The following PVT1 variants were observed in gnomAD, a reference collection of about 807,000 sequenced individuals.
The protein encoded by PVT1 is CXCR4/PVT1 fusion.
chr8:128,017,096 C>A (rs1213760146), intron 4 of PVT1, among the ~76,000 whole-genome samples: 1 of 152,134 alleles, frequency 6.6e-6, no homozygotes, highest in African/African-American at 2.4e-5. Flanking sequence ...CCATCGTCAC[C>A]CCACCTGCTT....
chr8:127,990,371 G>C (rs150209054), intron 4 of PVT1, among the ~76,000 whole-genome samples: 2 of 152,332 alleles, frequency 1.3e-5, no homozygotes, highest in African/African-American at 4.8e-5. Context: ...CATAGTGCCT[G>C]ACCGAGGGTG....
At chr8:127,886,894 C>T (rs1815529398) in intron 2 of PVT1, among the ~76,000 whole-genome samples, 1 of 152,140 alleles carries the variant, frequency 6.6e-6, no homozygotes, top group African/African-American at 2.4e-5. Context: ...AATTATATCA[C>T]AGACATTGTG....
intron 3 of PVT1, among the ~76,000 whole-genome samples, chr8:127,906,577 A>G (rs1815823879): frequency 6.6e-6 from 1 of 152,064 alleles, no homozygotes; most frequent in Non-Finnish European, 1.5e-5. Flanking sequence ...GACACATCTG[A>G]TGTCCCCTGC....
intron 2 of PVT1, among the ~76,000 whole-genome samples, chr8:127,834,492 T>A (rs1278751708): frequency 2.0e-5 from 3 of 152,070 alleles, no homozygotes; most frequent in Admixed American, 2.0e-4. Context: ...GGCAACACCA[T>A]TCAGGACATA....
chr8:127,958,870 C>T (rs191718893), intron 3 of PVT1, among the ~76,000 whole-genome samples: 18 of 152,280 alleles, frequency 1.2e-4, no homozygotes, highest in African/African-American at 3.6e-4. Context: ...GTTCTAAGCA[C>T]ATGTCATATT....
intron 3 of PVT1, among the ~76,000 whole-genome samples, chr8:127,982,874 A>G (rs998243818): frequency 2.6e-5 from 4 of 152,140 alleles, no homozygotes; most frequent in Non-Finnish European, 5.9e-5. Context: ...TTCTTCCTGA[A>G]AGAGTCTGTG....
chr8:127,989,844 G>T lies in PVT1; in HGVS notation n.912+553G>T, dbSNP rs74655965. Among the ~76,000 whole-genome samples the T allele has an allele frequency of 8.5e-3, 1,298 of 152,218 alleles. 9 individuals carry two copies. Among genetic ancestry groups the T allele is most frequent in the South Asian group, 0.017 (82 of 4,820 alleles). ...TTGGGTTTTCTTGGTTTTGCTACTT[G>T]CCTCATTTTGGACAAGTCACTCAGC... On this transcript the variant is annotated intron_variant and non_coding_transcript_variant, in intron 4 of 10. Coordinates refer to ENST00000651587, the Ensembl canonical transcript of PVT1.
chr8:127,934,867 T>A (rs905226367), intron 3 of PVT1, among the ~76,000 whole-genome samples: 2 of 152,142 alleles, frequency 1.3e-5, no homozygotes, highest in African/African-American at 2.4e-5. Context: ...CTTTTGTTGC[T>A]CCTGGGGCCA....
intron 3 of PVT1, among the ~76,000 whole-genome samples, chr8:127,963,474 GA>G (rs1816669585): frequency 6.6e-6 from 1 of 152,192 alleles, no homozygotes; most frequent in Non-Finnish European, 1.5e-5. Flanking sequence ...CCTCCTCTGA[GA>G]AAAAGTGTGG....
At chr8:127,850,995 A>G (rs535471117) in intron 2 of PVT1, among the ~76,000 whole-genome samples, 9 of 149,026 alleles carry the variant, frequency 6.0e-5, no homozygotes, top group Admixed American at 2.0e-4. Flanking sequence ...TGATAGAGGG[A>G]GACTCTGTCT....
At chr8:127,984,886 TTTCTTTCTTTC>T in intron 3 of PVT1, among the ~76,000 whole-genome samples, 1 of 102,234 alleles carries the variant, frequency 9.8e-6, no homozygotes, top group African/African-American at 3.4e-5. Flanking sequence ...TCTTTCTTTC[TTTCTTTCTTTC>T]TTTCTTTCTT....
intron 3 of PVT1, among the ~76,000 whole-genome samples, chr8:127,895,433 T>C (rs2129812755): frequency 6.6e-6 from 1 of 152,216 alleles, no homozygotes; most frequent in South Asian, 2.1e-4. Context: ...ATTGCACCAC[T>C]GCACTCCAGC....
intron 2 of PVT1, among the ~76,000 whole-genome samples, chr8:127,883,728 G>A (rs896180059): frequency 5.3e-5 from 8 of 152,216 alleles, no homozygotes; most frequent in African/African-American, 1.9e-4. Context: ...GACAGCCTGG[G>A]AGGCAGAGAG....
chr8:127,864,971 T>G (rs1305749656), intron 2 of PVT1, among the ~76,000 whole-genome samples: 1 of 152,176 alleles, frequency 6.6e-6, no homozygotes, highest in Non-Finnish European at 1.5e-5. Context: ...GGGACCTGGC[T>G]AAGAGGATCT....
chr8:128,068,521 G>A (rs769262985), intron 4 of PVT1, among the ~76,000 whole-genome samples: 6 of 152,112 alleles, frequency 3.9e-5, no homozygotes, highest in South Asian at 2.1e-4. Context: ...TGTTTGAGAC[G>A]GAGTCTTGCT....
chr8:127,902,942 G>A (rs1020561436), intron 3 of PVT1, among the ~76,000 whole-genome samples: 1 of 152,130 alleles, frequency 6.6e-6, no homozygotes, highest in African/African-American at 2.4e-5. Flanking sequence ...TTTCCTTTGA[G>A]TATACACCCA....
At chr8:128,080,300 T>C (rs1242442971) in intron 5 of PVT1, among the ~76,000 whole-genome samples, 6 of 152,256 alleles carry the variant, frequency 3.9e-5, no homozygotes, top group African/African-American at 1.2e-4. Flanking sequence ...TTTTGCTTTA[T>C]AGAAAACTGC....
intron 4 of PVT1, among the ~76,000 whole-genome samples, chr8:128,028,228 G>A (rs565496909): frequency 1.3e-5 from 2 of 152,246 alleles, no homozygotes; most frequent in Non-Finnish European, 1.5e-5. Context: ...GTGCCGGCGC[G>A]CTGGCAGCTG....
At chr8:128,025,772 A>G (rs532958434) in intron 4 of PVT1, among the ~76,000 whole-genome samples, 1 of 152,260 alleles carries the variant, frequency 6.6e-6, no homozygotes, top group Non-Finnish European at 1.5e-5. Context: ...GCATTTTCAC[A>G]TACATTAGCT....
Sources: gnomAD v4.1 joint callset for allele counts (sites outside exome capture counted in the v4.1 genomes callset) on GRCh38, gnomAD v4.1.1 for gene constraint, MANE v1.5 for transcripts, NCBI Gene and HGNC (gene_info 2026-07-23, HGNC 2026-07-21) for gene names.